RANBP2: variants seen among roughly 807,000 people sequenced by gnomAD.
RANBP2 encodes E3 SUMO-protein ligase RanBP2.
RANBP2 carries 57 observed loss-of-function variants against 303.6 expected under a neutral mutation model. The observed-to-expected ratio is 0.19, with a 90% confidence interval of 0.15 to 0.23. RANBP2 has a LOEUF of 0.23. RANBP2 is among the 10% of genes least tolerant of loss of function. RANBP2 has a pLI of 1.00. For missense variants in RANBP2, 3,138 were observed against 3,780.8 expected (o/e 0.83, Z 4.46); for synonymous variants, 1,167 against 1,301.5 (o/e 0.90, Z 2.23).
At chr2:109,255,707 A>G in the RANBP2 span, among the ~76,000 whole-genome samples, 2 of 152,362 alleles carry the variant, frequency 1.3e-5, no homozygotes, top group African/African-American at 4.8e-5. Flanking sequence ...CACTGGGGTG[A>G]TAATTCATGG....
rs140488246 is a variant in RANBP2, at chr2:108,779,936, C to T, written c.8600-1333C>T. Among the ~76,000 whole-genome samples the T allele has an allele frequency of 1.9e-3, 289 of 152,140 alleles. 2 individuals are homozygous for T. The highest frequency in any genetic ancestry group is 6.7e-3 in the African/African-American group (280 of 41,498). ...TGCAGAAATTATAAACATGTTTAGG[C>T]CATTGTGGCTAATTTGGAAGTAGCA... On this transcript the variant is annotated intron_variant, in intron 25 of 28. Transcript: ENST00000283195.
chr2:109,687,343 T>C, the RANBP2 span, among the ~76,000 whole-genome samples: 1 of 152,226 alleles, frequency 6.6e-6, no homozygotes, highest in Non-Finnish European at 1.5e-5. Flanking sequence ...CATTTGATTT[T>C]TGAGCACTTC....
the RANBP2 span, among the ~76,000 whole-genome samples, chr2:108,901,190 A>C: frequency 6.6e-6 from 1 of 152,256 alleles, no homozygotes; most frequent in Non-Finnish European, 1.5e-5. Flanking sequence ...AATATATAAC[A>C]GAAAAATCTT....
At chr2:108,807,714 C>A in the RANBP2 span, among the ~76,000 whole-genome samples, 19 of 152,232 alleles carry the variant, frequency 1.2e-4, no homozygotes, top group African/African-American at 4.3e-4. Context: ...GCCTTCTGGA[C>A]TCAAGCGATT....
chr2:109,492,702 G>A, the RANBP2 span, among the ~76,000 whole-genome samples: 1 of 152,174 alleles, frequency 6.6e-6, no homozygotes, highest in Non-Finnish European at 1.5e-5. Context: ...GGCCAAGCCA[G>A]AGATTCAGCT....
At chr2:109,275,065 A>G in the RANBP2 span, among the ~76,000 whole-genome samples, 1 of 152,254 alleles carries the variant, frequency 6.6e-6, no homozygotes, top group Non-Finnish European at 1.5e-5. Flanking sequence ...CCCTTAGAAC[A>G]TCTCAGAACA....
At chr2:109,014,287 C>T in the RANBP2 span, among the ~76,000 whole-genome samples, 7 of 152,206 alleles carry the variant, frequency 4.6e-5, no homozygotes, top group South Asian at 4.1e-4. Context: ...GAGACACCCA[C>T]GCTGTGGTGA....
the RANBP2 span, among the ~76,000 whole-genome samples, chr2:109,150,878 C>G: frequency 1.2e-4 from 19 of 152,068 alleles, no homozygotes. Flanking sequence ...AAAATATGGG[C>G]ATATAAGTCA....
chr2:108,915,893 A>G, the RANBP2 span, among the ~76,000 whole-genome samples: 2 of 151,926 alleles, frequency 1.3e-5, no homozygotes, highest in African/African-American at 4.8e-5. Context: ...GCGAAACTCC[A>G]TCTCAAAAAA....
At chr2:109,231,168 C>T in the RANBP2 span, among the ~76,000 whole-genome samples, 1 of 152,238 alleles carries the variant, frequency 6.6e-6, no homozygotes, top group African/African-American at 2.4e-5. Context: ...GGAGCCAGGC[C>T]AGAGCGGCTT....
the RANBP2 span, chr2:108,846,676 C>A: frequency 1.4e-6 from 2 of 1,417,368 alleles, no homozygotes; most frequent in Non-Finnish European, 1.9e-6. Flanking sequence ...GACTGTGTCT[C>A]AAAAAAAAAG....
the RANBP2 span, among the ~76,000 whole-genome samples, chr2:109,691,762 C>T: frequency 8.8e-3 from 1,227 of 140,088 alleles, 16 homozygotes; most frequent in Middle Eastern, 0.014. Flanking sequence ...CTTTAGGCCC[C>T]CTGGAAAGTT....
chr2:108,848,969 T>TA, the RANBP2 span, among the ~76,000 whole-genome samples: 21 of 152,336 alleles, frequency 1.4e-4, no homozygotes, highest in African/African-American at 4.8e-4. Context: ...ATTATAACTA[T>TA]ATCCCTGTGT....
the RANBP2 span, among the ~76,000 whole-genome samples, chr2:109,404,789 A>T: frequency 6.6e-6 from 1 of 151,580 alleles, no homozygotes; most frequent in South Asian, 2.1e-4. Context: ...CTTGCCCACC[A>T]CCCCTGCTGC....
chr2:109,394,814 C>T, the RANBP2 span, among the ~76,000 whole-genome samples: 1 of 152,224 alleles, frequency 6.6e-6, no homozygotes, highest in Non-Finnish European at 1.5e-5. Context: ...GGCAGAGCCA[C>T]CTGGCTTCCC....
chr2:109,147,623 G>A, the RANBP2 span, among the ~76,000 whole-genome samples: 2 of 152,192 alleles, frequency 1.3e-5, no homozygotes, highest in East Asian at 1.9e-4. Flanking sequence ...GCGTGTTATC[G>A]ATTCCCAGTT....
the RANBP2 span, among the ~76,000 whole-genome samples, chr2:109,464,927 A>G: frequency 6.6e-6 from 1 of 152,214 alleles, no homozygotes; most frequent in Non-Finnish European, 1.5e-5. Flanking sequence ...AGTATCATAC[A>G]GGATAGTTTG....
the RANBP2 span, among the ~76,000 whole-genome samples, chr2:109,492,681 A>G: frequency 6.6e-6 from 1 of 152,154 alleles, no homozygotes; most frequent in South Asian, 2.1e-4. Flanking sequence ...AAGATCACAC[A>G]GCTAGTTAGT....
the RANBP2 span, among the ~76,000 whole-genome samples, chr2:109,558,073 TGA>T: frequency 4.6e-5 from 7 of 152,188 alleles, no homozygotes; most frequent in African/African-American, 1.7e-4. Context: ...ATTACAGGCG[TGA>T]ACGACTGCAC....
Sources: allele counts gnomAD v4.1 joint callset (sites outside exome capture counted in the v4.1 genomes callset), GRCh38; gene constraint gnomAD v4.1.1; transcripts MANE v1.5; gene names NCBI Gene and HGNC (gene_info 2026-07-23, HGNC 2026-07-21).